PARD3B: variants seen among roughly 807,000 people sequenced by gnomAD.
The protein encoded by PARD3B is partitioning defective 3 homolog B.
PARD3B carries 103 observed loss-of-function variants against 130.2 expected under a neutral mutation model. That is an observed-to-expected ratio of 0.79 (90% confidence interval 0.67 to 0.93). PARD3B has a LOEUF of 0.93. Ranked by LOEUF, PARD3B falls within the 40% of genes least tolerant of loss-of-function variation. PARD3B has a pLI of 0.00. For missense variants in PARD3B, 1,609 were observed against 1,499.2 expected, an observed-to-expected ratio of 1.07 and a Z score of -1.21; for synonymous variants, 583 against 553.2, an observed-to-expected ratio of 1.05 and a Z score of -0.76.
chr2:205,374,209 A>T (rs925960936), intron 18 of PARD3B, among the ~76,000 whole-genome samples: 3 of 151,334 alleles, frequency 2.0e-5, no homozygotes, highest in African/African-American at 7.3e-5. Flanking sequence ...TCTCTTCTTC[A>T]TAATCCCATA....
intron 2 of PARD3B, among the ~76,000 whole-genome samples, chr2:204,753,346 A>G (rs1278019271): frequency 3.9e-5 from 6 of 152,138 alleles, no homozygotes; most frequent in Admixed American, 2.6e-4. Context: ...GTGTTGAAAG[A>G]TTTCTATTAA....
At chr2:204,837,457 G>A (rs1224986727) in intron 2 of PARD3B, among the ~76,000 whole-genome samples, 2 of 141,092 alleles carry the variant, frequency 1.4e-5, no homozygotes, top group African/African-American at 5.4e-5. Context: ...TTCTTACTCT[G>A]TTGCCCAGGC....
At chr2:205,017,153 A>G (rs952360617) in intron 3 of PARD3B, among the ~76,000 whole-genome samples, 3 of 152,202 alleles carry the variant, frequency 2.0e-5, no homozygotes, top group African/African-American at 4.8e-5. Context: ...AGCCATATCA[A>G]CAAAGCATGT....
At chr2:204,738,911 T>G (rs938860714) in intron 2 of PARD3B, among the ~76,000 whole-genome samples, 4 of 152,240 alleles carry the variant, frequency 2.6e-5, no homozygotes, top group Non-Finnish European at 5.9e-5. Context: ...TAAGGCCAAC[T>G]GTATCATATA....
chr2:205,191,955 G>C lies in PARD3B; in HGVS notation c.2025-1250G>C, dbSNP rs77451155. ...TGCAGCCTCAAACTCCTAGACTCAA[G>C]TGATCCTCCAGCCTCAGACTCCCAA... On this transcript the variant is annotated intron_variant, in intron 14 of 22. Transcript: ENST00000406610. Among the ~76,000 whole-genome samples the C allele has an allele frequency of 7.9e-4, 121 of 152,274 alleles. 1 individual carries two copies. In the East Asian group the frequency reaches 0.022, roughly 28 times the overall value.
intron 2 of PARD3B, among the ~76,000 whole-genome samples, chr2:204,686,962 C>G (rs2037113912): frequency 6.6e-6 from 1 of 152,090 alleles, no homozygotes; most frequent in African/African-American, 2.4e-5. Context: ...AGGTTTGGCT[C>G]CTGTCATCAA....
At chr2:204,552,958 T>G (rs1220599369) in intron 1 of PARD3B, among the ~76,000 whole-genome samples, 1 of 151,892 alleles carries the variant, frequency 6.6e-6, no homozygotes, top group East Asian at 1.9e-4. Flanking sequence ...CAGTCAGCAG[T>G]GTAAACAGAC....
At chr2:205,546,210 A>C (rs2052373864) in intron 21 of PARD3B, among the ~76,000 whole-genome samples, 1 of 152,182 alleles carries the variant, frequency 6.6e-6, no homozygotes, top group Non-Finnish European at 1.5e-5. Context: ...AGGCGCACCA[A>C]GGTATGAGCG....
At chr2:204,636,416 A>AC (rs1308112391) in intron 1 of PARD3B, among the ~76,000 whole-genome samples, 2 of 151,496 alleles carry the variant, frequency 1.3e-5, no homozygotes, top group Non-Finnish European at 2.9e-5. Context: ...TATTTGGCTC[A>AC]CAGGCCTTTC....
chr2:205,117,916 T>TACACACACACACACACACACAC (rs745919031), intron 6 of PARD3B, among the ~76,000 whole-genome samples: 9 of 20,430 alleles, frequency 4.4e-4, no homozygotes, highest in Middle Eastern at 0.026. Context: ...TGTATGTGTG[T>TACACACACACACACACACACAC]ACACACACAC....
rs201422555 is a variant in PARD3B, at chr2:205,550,976, TACAC to T, written c.3181-2324_3181-2321del. On this transcript the variant is annotated intron_variant, in intron 21 of 22. Coordinates refer to ENST00000406610, the MANE Select transcript of PARD3B (RefSeq NM_001302769.2). This position sits in a 1 kb window ranked among gnomAD's most constrained non-coding sequence, Gnocchi z 4.5. ...ATGTGTATATATATATATATATATA[TACAC>T]ACACACACACACACACACACACATA... is the stretch of plus-strand genomic sequence containing the variant. Among the ~76,000 whole-genome samples the T allele has an allele frequency of 0.04, 4,978 of 125,344 alleles. 150 individuals are homozygous for T. Among genetic ancestry groups the T allele is most frequent in the Non-Finnish European group, 0.046 (2,835 of 60,986 alleles). The allele number at this position is 125,344 out of a possible 152,430, so 82.2% of individuals were successfully genotyped here. A position where few individuals can be genotyped will look rare whatever the true frequency, so the allele number is the denominator to read the frequency against.
chr2:205,271,232 C>T (rs1296564062), intron 16 of PARD3B, among the ~76,000 whole-genome samples: 2 of 152,178 alleles, frequency 1.3e-5, no homozygotes, highest in African/African-American at 4.8e-5. Flanking sequence ...GGTGTGCTTT[C>T]TGCAAAGTGT....
chr2:205,500,166 C>A, intron 21 of PARD3B, 135 bp downstream of exon 21: 1 of 1,014,898 alleles, frequency 9.9e-7, no homozygotes, highest in Non-Finnish European at 1.4e-6. Flanking sequence ...AGGAACATTA[C>A]CCAAACCACA....
intron 20 of PARD3B, among the ~76,000 whole-genome samples, chr2:205,449,097 C>G (rs1288564734): frequency 7.0e-6 from 1 of 143,570 alleles, no homozygotes; most frequent in Non-Finnish European, 1.5e-5. Context: ...ACCCGGGAGG[C>G]GCAGGTTGCA....
intron 2 of PARD3B, among the ~76,000 whole-genome samples, chr2:204,836,674 A>T (rs1001736304): frequency 6.6e-6 from 1 of 152,180 alleles, no homozygotes; most frequent in African/African-American, 2.4e-5. Flanking sequence ...AAAAATAATA[A>T]TGATAAAATA....
intron 2 of PARD3B, among the ~76,000 whole-genome samples, chr2:204,929,099 T>G (rs1388476235): frequency 7.7e-6 from 1 of 130,142 alleles, no homozygotes; most frequent in Non-Finnish European, 1.6e-5. Flanking sequence ...ACCAGAATAC[T>G]TTTTTTTTTT....
chr2:205,127,824 C>G (rs1007062184), intron 10 of PARD3B, among the ~76,000 whole-genome samples: 1 of 152,192 alleles, frequency 6.6e-6, no homozygotes, highest in African/African-American at 2.4e-5. Context: ...AAGGTAGAAT[C>G]CTGAATGTCT....
chr2:205,197,154 A>C (rs1331981401), intron 15 of PARD3B, among the ~76,000 whole-genome samples: 1 of 151,896 alleles, frequency 6.6e-6, no homozygotes, highest in Non-Finnish European at 1.5e-5. Context: ...ATCAAGCTAC[A>C]TAAGTTTCTT....
chr2:205,414,137 A>T (rs2046695799), intron 19 of PARD3B, among the ~76,000 whole-genome samples: 1 of 152,220 alleles, frequency 6.6e-6, no homozygotes, highest in African/African-American at 2.4e-5. Flanking sequence ...TTTGTGATGT[A>T]TCAGATGCCA....
Sources: allele counts gnomAD v4.1 joint callset (sites outside exome capture counted in the v4.1 genomes callset), GRCh38; gene constraint gnomAD v4.1.1; non-coding constraint Gnocchi (gnomAD v3.1); transcripts MANE v1.5; gene names NCBI Gene and HGNC (gene_info 2026-07-23, HGNC 2026-07-21).